Variants in ZFP36L1 observed in about 807,000 individuals in gnomAD.
ZFP36L1 encodes ZFP36 like 1 zinc finger CCCH-type, also known as mRNA decay activator protein ZFP36L1.
ZFP36L1 carries 4 observed loss-of-function variants against 16.7 expected under a neutral mutation model. The observed-to-expected ratio is 0.24, with a 90% CI of 0.12 to 0.55. ZFP36L1 has a LOEUF of 0.55. ZFP36L1 is among the 20% of genes least tolerant of loss of function. The pLI, the probability that ZFP36L1 is intolerant of heterozygous loss-of-function variation, is 0.94. For synonymous variants in ZFP36L1, 220 were observed against 190.8 expected (o/e 1.15, Z -1.26); for missense variants, 311 against 449.2 (o/e 0.69, Z 2.78).
At position 68,792,833 on chromosome 14, in the gene ZFP36L1, G is replaced by A. The variant is rs1218560260; in HGVS notation, c.57+49C>T. Reference sequence around the variant, plus strand: ...CAAACTTTTGGGGGTTCTTTCTTAAGGCAAAAGAAAAAGACTTTTTGAAAA... The same window carrying A: ...CAAACTTTTGGGGGTTCTTTCTTAAAGCAAAAGAAAAAGACTTTTTGAAAA... On this transcript the variant is annotated intron_variant, in intron 1 of 1. Coordinates refer to ENST00000439696, the MANE Select transcript of ZFP36L1 (RefSeq NM_004926.4). 9 of 1,612,662 alleles carry A rather than the reference G, an allele frequency of 5.6e-6. No individual in the cohort carries two copies. In the East Asian group the frequency reaches 1.3e-4, roughly 24 times the overall value.
chr14:68,787,707 C>T lies in ZFP36L1; in HGVS notation c.*1826G>A, dbSNP rs1334137445. The stretch of plus-strand genomic sequence containing the variant: ...TATTGATTTTTAAACTGCAAATAGT[C>T]GTTACAAAAAGTTTTTTTTTCTTTT... On this transcript the variant is annotated 3_prime_UTR_variant, in exon 2 of 2. Coordinates refer to ENST00000439696, the MANE Select transcript of ZFP36L1 (RefSeq NM_004926.4). 1 of 150,300 alleles carries T rather than the reference C, an allele frequency of 6.7e-6. No homozygotes were observed. The highest frequency in any genetic ancestry group is 1.5e-5 in the Non-Finnish European group (1 of 67,548). The allele number at this position is 150,300 out of a possible 1,614,324, so 9.3% of individuals were successfully genotyped here. A position where few individuals can be genotyped will look rare whatever the true frequency, so the allele number is the denominator to read the frequency against.
At chr14:68,790,908 A>G in intron 1 of ZFP36L1, 1 of 575,818 alleles carries the variant, frequency 1.7e-6, no homozygotes, top group Non-Finnish European at 3.1e-6. Context: ...AAACCTCAGA[A>G]AGGAGTCTAT....
At chr14:68,793,760 GT>G (rs142830921), upstream of ZFP36L1, 10 of 985,152 alleles carry the variant, frequency 1.0e-5, no homozygotes, top group South Asian at 4.7e-5. Flanking sequence ...TTATGTTGCT[GT>G]TTTTTTTCCA....
intron 1 of ZFP36L1, among the ~76,000 whole-genome samples, chr14:68,792,472 C>G (rs767581669): frequency 6.6e-6 from 1 of 152,274 alleles, no homozygotes; most frequent in Non-Finnish European, 1.5e-5. Context: ...CCACTCCCAA[C>G]CCCACGGGTG....
In ZFP36L1 at chr14:68,792,958, C is replaced by T. The variant is rs752278386; in HGVS notation, c.-20G>A. The T allele has an allele frequency of 6.2e-7, 1 of 1,613,600 alleles. No homozygotes were observed. Among genetic ancestry groups the T allele is most frequent in the Admixed American group, 1.7e-5 (1 of 60,012 alleles). On this transcript the variant is annotated 5_prime_UTR_variant, in exon 1 of 2. Transcript: ENST00000439696. ...GGTCATCCTGTGCGTTCGCGCGAGC[C>T]AGGGGCGAGGATCTGGTGTGTCGCG...
At chr14:68,796,003 C>T (rs1895245023), upstream of ZFP36L1, 1 of 1,323,608 alleles carries the variant, frequency 7.6e-7, no homozygotes, top group Non-Finnish European at 1.0e-6. Flanking sequence ...TGGCCGTCCC[C>T]CGCCAACTTC....
upstream of ZFP36L1, chr14:68,793,697 C>T: frequency 1.0e-6 from 1 of 985,538 alleles, no homozygotes; most frequent in African/African-American, 1.7e-5. Context: ...GCAAACCGGG[C>T]AGGCCGAGGA....
At position 68,792,867 on chromosome 14, in the gene ZFP36L1, T is replaced by A. The variant is rs2140212856; in HGVS notation, c.57+15A>T. 6.2e-7 allele frequency: 1 copy of A among 1,614,070 alleles called. No homozygotes were observed. The highest frequency in any genetic ancestry group is 2.2e-5 in the East Asian group (1 of 44,862). ...AAAAGACTTTTTGAAAAGCAAATGCTCCGCCCCCCTTTACCTTGCATAAAA... is the reference window on the plus strand; with the variant it reads ...AAAAGACTTTTTGAAAAGCAAATGCACCGCCCCCCTTTACCTTGCATAAAA... On this transcript the variant is annotated intron_variant, in intron 1 of 1. Transcript: ENST00000439696.
intron 1 of ZFP36L1, chr14:68,791,019 T>C: frequency 1.4e-6 from 1 of 702,066 alleles, no homozygotes; most frequent in Non-Finnish European, 2.6e-6. Flanking sequence ...TTCAGAAGTG[T>C]TCCCTTCCTT....
chr14:68,791,315 G>T, intron 1 of ZFP36L1: 1 of 499,842 alleles, frequency 2.0e-6, no homozygotes. Flanking sequence ...GCTGCAGATG[G>T]AAAGGAAAAG....
At chr14:68,793,842 C>T (rs1427028765), upstream of ZFP36L1, 1 of 972,634 alleles carries the variant, frequency 1.0e-6, no homozygotes, top group East Asian at 1.3e-4. Context: ...CATGGTCTGG[C>T]GGGGGCGAGC....
At chr14:68,792,158 G>A (rs1555337489) in intron 1 of ZFP36L1, among the ~76,000 whole-genome samples, 2 of 152,090 alleles carry the variant, frequency 1.3e-5, no homozygotes, top group Admixed American at 1.3e-4. Context: ...GGACTCTCGA[G>A]TTCAAGCCAG....
intron 1 of ZFP36L1, chr14:68,791,374 G>T: frequency 2.2e-6 from 1 of 451,838 alleles, no homozygotes; most frequent in Non-Finnish European, 3.9e-6. Context: ...CGGATTGGGG[G>T]TGGTGGGGAT....
chr14:68,790,100 G>T lies in ZFP36L1; in HGVS notation c.450C>A (p.His150Gln). ...GIHELRSLTR[H>Q]PKYKTELCRT... The stretch of plus-strand genomic sequence containing the variant: ...GGCACAGCTCCGTCTTGTACTTGGG[G>T]TGGCGGGTCAGGCTGCGGAGCTCGT... Residue 150 changes from histidine to glutamine, a missense_variant, in exon 2 of 2, where the codon CAC becomes CAA. Physicochemically the swap from His to Gln is conservative, Grantham distance 24 (BLOSUM62 0). This residue lies in a region of ZFP36L1 where 24 missense variants were observed against 88.8 expected (regional missense o/e 0.27). Coordinates refer to ENST00000439696, the MANE Select transcript of ZFP36L1 (RefSeq NM_004926.4). 6.2e-7 allele frequency: 1 copy of T among 1,611,504 alleles called. No individual in the cohort carries two copies.
intron 1 of ZFP36L1, 75 bp downstream of exon 1, chr14:68,792,807 C>G: frequency 1.1e-5 from 17 of 1,593,684 alleles, no homozygotes; most frequent in Non-Finnish European, 1.5e-5. Flanking sequence ...CTTCCAAGAC[C>G]CAAACTTTTG....
At chr14:68,792,433 T>C (rs2140211916) in intron 1 of ZFP36L1, among the ~76,000 whole-genome samples, 1 of 152,186 alleles carries the variant, frequency 6.6e-6, no homozygotes, top group African/African-American at 2.4e-5. Flanking sequence ...GAAAACATTG[T>C]CCCGAGACTC....
chr14:68,795,320 C>A (rs1323033908), upstream of ZFP36L1, among the ~76,000 whole-genome samples: 1 of 146,046 alleles, frequency 6.8e-6, no homozygotes, highest in African/African-American at 2.5e-5. Flanking sequence ...CACCCCCCAC[C>A]CCCCCCAAAA....
At chr14:68,793,358 C>G (rs1895161600), upstream of ZFP36L1, 1 of 1,008,954 alleles carries the variant, frequency 9.9e-7, no homozygotes, top group Admixed American at 5.3e-5. Context: ...TTCAAGTCGG[C>G]TGACTTCCCT....
upstream of ZFP36L1, chr14:68,793,249 GGAA>G (rs1219857456): frequency 1.5e-5 from 16 of 1,073,002 alleles, no homozygotes; most frequent in African/African-American, 1.9e-4. Context: ...ACTTTCAAAA[GGAA>G]GAAGGGGGAG....
Sources: allele counts gnomAD v4.1 joint callset (sites outside exome capture counted in the v4.1 genomes callset), GRCh38; gene constraint gnomAD v4.1.1; regional missense constraint gnomAD v4.1.1; transcripts MANE v1.5; gene names NCBI Gene and HGNC (gene_info 2026-07-23, HGNC 2026-07-21).